The following SOX6 variants were observed in gnomAD, a reference collection of about 807,000 sequenced individuals.
The protein encoded by SOX6 is SRY-box transcription factor 6.
SOX6 carries 11 observed loss-of-function variants against 97.8 expected under a neutral mutation model. The observed-to-expected ratio is 0.11, with a 90% CI of 0.07 to 0.19. The LOEUF (loss-of-function observed/expected upper bound fraction) is 0.19, where lower values mean the gene tolerates loss of function less well. Ranked by LOEUF, SOX6 falls within the 10% of genes least tolerant of loss-of-function variation. SOX6 has a pLI of 1.00. For missense variants in SOX6, 810 were observed against 1,039.5 expected (o/e 0.78, Z 3.04); for synonymous variants, 360 against 371.4 (o/e 0.97, Z 0.35).
chr11:16,502,528 T>TA (rs931254559), intron 4 of SOX6, among the ~76,000 whole-genome samples: 4 of 152,030 alleles, frequency 2.6e-5, no homozygotes, highest in South Asian at 2.1e-4. Context: ...TAAATATCAT[T>TA]AAAAAAATTC....
At chr11:16,484,048 G>A in intron 4 of SOX6, 2 of 783,310 alleles carry the variant, frequency 2.6e-6, no homozygotes, top group Non-Finnish European at 4.7e-6. Flanking sequence ...GGAGAGCCGA[G>A]GGGGCTGTAG....
rs145349943 is a variant in SOX6 at position 16,354,815 on chromosome 11, C to T, written c.-5+1279G>A. Among the ~76,000 whole-genome samples the T allele has an allele frequency of 1.7e-3, 260 of 152,146 alleles. 1 individual carries two copies. The highest frequency in any genetic ancestry group is 6.8e-3 in the Middle Eastern group (2 of 294). On this transcript the variant is annotated intron_variant, in intron 1 of 15. Transcript: ENST00000683767. ...CTGAGCTACCCTATCCTATGAAATACATGAATACCTTTCAAAGCCTGATTA... is the reference window on the plus strand; with the variant it reads ...CTGAGCTACCCTATCCTATGAAATATATGAATACCTTTCAAAGCCTGATTA...
intron 9 of SOX6, among the ~76,000 whole-genome samples, chr11:16,075,064 C>A (rs184424401): frequency 1.1e-4 from 17 of 151,776 alleles, no homozygotes; most frequent in Admixed American, 4.6e-4. Context: ...AATATAGAGC[C>A]CAGAAAAAAA....
At chr11:16,132,396 A>G (rs1239566392) in intron 6 of SOX6, among the ~76,000 whole-genome samples, 1 of 86,594 alleles carries the variant, frequency 1.2e-5, no homozygotes, top group East Asian at 5.0e-4. Context: ...GAAAGAAAGA[A>G]AGAAAAAAGA....
At chr11:16,070,011 C>A (rs774001247) in intron 9 of SOX6, among the ~76,000 whole-genome samples, 34 of 152,054 alleles carry the variant, frequency 2.2e-4, no homozygotes, top group Middle Eastern at 3.4e-3. Context: ...AAAAATTAGC[C>A]AGGCGTGGTG....
intron 3 of SOX6, among the ~76,000 whole-genome samples, chr11:16,298,581 T>G (rs1855164841): frequency 6.6e-6 from 1 of 152,090 alleles, no homozygotes; most frequent in African/African-American, 2.4e-5. Flanking sequence ...ACTAAGGAAA[T>G]TATCTGAAAC....
At chr11:16,673,799 T>C (rs1847864310) in intron 3 of SOX6, among the ~76,000 whole-genome samples, 1 of 151,958 alleles carries the variant, frequency 6.6e-6, no homozygotes, top group Non-Finnish European at 1.5e-5. Flanking sequence ...CAAAGATATA[T>C]CAAAAAAATA....
chr11:16,336,756 G>A (rs1260728213), intron 2 of SOX6, among the ~76,000 whole-genome samples: 1 of 152,054 alleles, frequency 6.6e-6, no homozygotes, highest in African/African-American at 2.4e-5. Context: ...CAGCCTCCCT[G>A]ATTTCATTTC....
chr11:16,605,000 C>CT (rs920201898), intron 4 of SOX6, among the ~76,000 whole-genome samples: 3 of 152,152 alleles, frequency 2.0e-5, no homozygotes, highest in Non-Finnish European at 2.9e-5. Context: ...CCCCAGCAGC[C>CT]TTTGCACAAG....
chr11:16,104,564 GTTA>G (rs762198283), intron 7 of SOX6, among the ~76,000 whole-genome samples: 3 of 151,426 alleles, frequency 2.0e-5, no homozygotes, highest in African/African-American at 7.3e-5. Flanking sequence ...ATATCTAAGA[GTTA>G]TTATGAAAAT....
rs1848386367 is a variant in SOX6, at chr11:16,610,708, G to C, written n.609+1373C>G. The stretch of plus-strand genomic sequence containing the variant: ...CGATGCCGCACTTCTGGCTGTGTAA[G>C]AGTGACACGTGGCCCTGGGGGCGGG... On this transcript the variant is annotated intron_variant and non_coding_transcript_variant, in intron 4 of 5. Coordinates refer to the SOX6 transcript ENST00000524520. This position sits in a 1 kb window ranked among gnomAD's most constrained non-coding sequence, Gnocchi z 4.4. Among the ~76,000 whole-genome samples the C allele has an allele frequency of 6.6e-6, 1 of 152,248 alleles. No homozygotes were observed. The highest frequency in any genetic ancestry group is 2.4e-5 in the African/African-American group (1 of 41,468).
At chr11:16,639,754 G>T (rs1400976971) in intron 3 of SOX6, among the ~76,000 whole-genome samples, 1 of 152,138 alleles carries the variant, frequency 6.6e-6, no homozygotes, top group Non-Finnish European at 1.5e-5. Flanking sequence ...TTTGCACATT[G>T]ATTTTGTATC....
chr11:16,427,643 T>C (rs1423816623), intron 1 of SOX6, among the ~76,000 whole-genome samples: 1 of 152,216 alleles, frequency 6.6e-6, no homozygotes, highest in Admixed American at 6.5e-5. Flanking sequence ...TACATGTCCC[T>C]ACAAAGGACA....
At chr11:16,566,083 G>A (rs1158917351) in intron 4 of SOX6, among the ~76,000 whole-genome samples, 34 of 138,644 alleles carry the variant, frequency 2.5e-4, no homozygotes, top group African/African-American at 8.3e-4. Flanking sequence ...GTGACAGAGC[G>A]AGACTCCGTC....
At chr11:16,591,374 G>GATAT (rs1436470013) in intron 4 of SOX6, among the ~76,000 whole-genome samples, 1 of 148,368 alleles carries the variant, frequency 6.7e-6, no homozygotes, top group East Asian at 2.1e-4. Context: ...TAGATAGATA[G>GATAT]ATTTCAGAAA....
chr11:16,447,029 T>C (rs1050075488), intron 1 of SOX6, among the ~76,000 whole-genome samples: 15 of 150,290 alleles, frequency 1.0e-4, no homozygotes, highest in African/African-American at 3.7e-4. Flanking sequence ...TTCCTCCCTC[T>C]CTCCCACCCT....
intron 1 of SOX6, among the ~76,000 whole-genome samples, chr11:16,464,431 T>C (rs555711163): frequency 1.3e-5 from 2 of 149,840 alleles, no homozygotes; most frequent in Admixed American, 6.7e-5. Context: ...TACAGACTAA[T>C]TAGAAACAAT....
intron 3 of SOX6, among the ~76,000 whole-genome samples, chr11:16,642,538 A>C (rs2134005758): frequency 6.6e-6 from 1 of 152,234 alleles, no homozygotes; most frequent in South Asian, 2.1e-4. Flanking sequence ...TCTCCCCGTC[A>C]CTTTCAGGTA....
At chr11:16,183,858 T>G in intron 6 of SOX6, 28 bp downstream of exon 6, 1 of 1,603,070 alleles carries the variant, frequency 6.2e-7, no homozygotes, top group Non-Finnish European at 8.5e-7. Flanking sequence ...CTAAGTATAA[T>G]CAGACGAGAG....
Sources: allele counts gnomAD v4.1 joint callset (sites outside exome capture counted in the v4.1 genomes callset), GRCh38; gene constraint gnomAD v4.1.1; non-coding constraint Gnocchi (gnomAD v3.1); transcripts MANE v1.5; gene names NCBI Gene and HGNC (gene_info 2026-07-23, HGNC 2026-07-21).